Variants in SKI observed in about 807,000 individuals in gnomAD.
The protein encoded by SKI is SKI proto-oncogene, also known as ski oncogene.
Under a neutral mutation model 59.3 loss-of-function variants are expected in SKI, and 23 were observed. The observed-to-expected ratio is 0.39, with a 90% CI of 0.28 to 0.55. SKI has a LOEUF of 0.55. Ranked by LOEUF, SKI falls within the 20% of genes least tolerant of loss-of-function variation. The pLI is 0.67. For missense variants in SKI, 1,017 were observed against 1,038.9 expected, an observed-to-expected ratio of 0.98 and a Z score of 0.29; for synonymous variants, 673 against 488.6, an observed-to-expected ratio of 1.38 and a Z score of -4.98.
intron 1 of SKI, among the ~76,000 whole-genome samples, chr1:2,263,226 T>G (rs1639425313): frequency 6.8e-6 from 1 of 146,158 alleles, no homozygotes; most frequent in Non-Finnish European, 1.5e-5. Flanking sequence ...GCTAAAATTT[T>G]GCTTAGAATT....
intron 1 of SKI, among the ~76,000 whole-genome samples, chr1:2,299,183 T>G (rs1234039100): frequency 3.3e-5 from 5 of 152,226 alleles, no homozygotes; most frequent in Non-Finnish European, 4.4e-5. Flanking sequence ...GTCATTCAGC[T>G]TCAGTGTGGA....
At chr1:2,242,314 C>T (rs1638897565) in intron 1 of SKI, among the ~76,000 whole-genome samples, 1 of 152,074 alleles carries the variant, frequency 6.6e-6, no homozygotes, top group Non-Finnish European at 1.5e-5. Context: ...GAGGGTAACC[C>T]CTTCTCTGTC....
chr1:2,290,399 G>A (rs878093), intron 1 of SKI, among the ~76,000 whole-genome samples: 22,119 of 152,172 alleles, frequency 0.15, 1,860 homozygotes, highest in Middle Eastern at 0.21. Flanking sequence ...GGACACAGCC[G>A]CCACCCTGCA....
At chr1:2,253,004 G>T (rs1430772154) in intron 1 of SKI, among the ~76,000 whole-genome samples, 1 of 151,656 alleles carries the variant, frequency 6.6e-6, no homozygotes, top group Non-Finnish European at 1.5e-5. Context: ...GCTGAGGCAT[G>T]AGAAGAGCTT....
intron 1 of SKI, among the ~76,000 whole-genome samples, chr1:2,297,406 T>C (rs1640310601): frequency 6.6e-6 from 1 of 152,084 alleles, no homozygotes; most frequent in African/African-American, 2.4e-5. Context: ...GGACCTCGAG[T>C]GCCCAGCCCG....
At position 2,270,216 on chromosome 1, in the gene SKI, C is replaced by T. The variant is rs1639586704; in HGVS notation, c.970-32762C>T. ...ATCTGTCTACGAGCTAGAGCAAGGG[C>T]AGGTGGGCCCACTGGCTGGCGCTGC... On this transcript the variant is annotated intron_variant, in intron 1 of 6. Coordinates refer to ENST00000378536, the MANE Select transcript of SKI (RefSeq NM_003036.4). The surrounding 1 kb of genome is among the most constrained non-coding windows in gnomAD (Gnocchi z 4.1). Among the ~76,000 whole-genome samples the T allele has an allele frequency of 6.6e-6, 1 of 152,184 alleles. No homozygotes were observed. The highest frequency in any genetic ancestry group is 1.5e-5 in the Non-Finnish European group (1 of 68,028).
chr1:2,291,850 G>A lies in SKI; in HGVS notation c.970-11128G>A, dbSNP rs146602632. On this transcript the variant is annotated intron_variant, in intron 1 of 6. Coordinates refer to ENST00000378536, the MANE Select transcript of SKI (RefSeq NM_003036.4). Reference sequence around the variant, plus strand: ...AACAGCAAAGATGACCTACTTAAGCGAAAGAAAAATCCGAGTGAACCTTTA... The same window carrying A: ...AACAGCAAAGATGACCTACTTAAGCAAAAGAAAAATCCGAGTGAACCTTTA... 1.3e-4 allele frequency among the ~76,000 whole-genome samples: 20 copies of A among 152,354 alleles called. No homozygotes were observed. The East Asian group carries it at 3.3e-3, about 25-fold the overall frequency.
At chr1:2,294,330 A>G (rs1473935608) in intron 1 of SKI, among the ~76,000 whole-genome samples, 1 of 152,208 alleles carries the variant, frequency 6.6e-6, no homozygotes, top group Non-Finnish European at 1.5e-5. Flanking sequence ...TGGCATGAAA[A>G]TCACAAAATT....
chr1:2,305,745 C>T (rs1053154054), intron 5 of SKI, among the ~76,000 whole-genome samples: 3 of 152,194 alleles, frequency 2.0e-5, no homozygotes, highest in African/African-American at 2.4e-5. Context: ...GCCCTAGATA[C>T]CGGGGGAGGC....
At chr1:2,294,364 G>T (rs1053387659) in intron 1 of SKI, among the ~76,000 whole-genome samples, 6 of 152,248 alleles carry the variant, frequency 3.9e-5, no homozygotes, top group Non-Finnish European at 7.3e-5. Context: ...CATCAGGCTG[G>T]CTGTGTGTGG....
At chr1:2,273,613 G>A (rs1308211615) in intron 1 of SKI, among the ~76,000 whole-genome samples, 1 of 152,202 alleles carries the variant, frequency 6.6e-6, no homozygotes, top group African/African-American at 2.4e-5. Flanking sequence ...CAGGTTGGGT[G>A]GCTGACCTGG....
intron 1 of SKI, among the ~76,000 whole-genome samples, chr1:2,257,483 C>G (rs987375611): frequency 1.3e-5 from 2 of 152,252 alleles, no homozygotes; most frequent in Non-Finnish European, 2.9e-5. Context: ...TAGCGTCTGC[C>G]TCTGCAGCTG....
intron 1 of SKI, among the ~76,000 whole-genome samples, chr1:2,250,675 G>A (rs1290197186): frequency 2.0e-5 from 3 of 152,260 alleles, no homozygotes. Context: ...GTAAGGGGAT[G>A]TGGTGTGTGA....
At chr1:2,292,886 G>C (rs976783378) in intron 1 of SKI, among the ~76,000 whole-genome samples, 6 of 152,194 alleles carry the variant, frequency 3.9e-5, no homozygotes, top group Admixed American at 6.5e-5. Context: ...TGGCGGGGCC[G>C]CTGAGCCAAA....
intron 1 of SKI, among the ~76,000 whole-genome samples, chr1:2,241,233 T>C (rs961982068): frequency 6.6e-6 from 1 of 152,216 alleles, no homozygotes; most frequent in Non-Finnish European, 1.5e-5. Context: ...CTTAAATATG[T>C]CTGTGGACTT....
intron 1 of SKI, among the ~76,000 whole-genome samples, chr1:2,257,223 CCTG>C (rs1639292708): frequency 6.6e-6 from 1 of 152,232 alleles, no homozygotes; most frequent in African/African-American, 2.4e-5. Context: ...GACAGTTTGT[CCTG>C]CTGGTTTCCT....
intron 1 of SKI, among the ~76,000 whole-genome samples, chr1:2,301,418 C>T (rs1451212042): frequency 6.6e-6 from 1 of 151,690 alleles, no homozygotes; most frequent in African/African-American, 2.4e-5. Context: ...CCTGTGCGCC[C>T]GAGCACTTAT....
intron 1 of SKI, among the ~76,000 whole-genome samples, chr1:2,235,977 G>A (rs944816584): frequency 7.9e-5 from 12 of 152,336 alleles, no homozygotes; most frequent in South Asian, 4.1e-4. Flanking sequence ...GCGTCTCGGC[G>A]TGATCCTGGG....
intron 5 of SKI, 126 bp downstream of exon 5, chr1:2,304,711 A>G: frequency 1.4e-6 from 2 of 1,414,228 alleles, no homozygotes; most frequent in East Asian, 5.0e-5. Flanking sequence ...CTCTGCCTCC[A>G]CCTCAGTGGG....
Sources: allele counts gnomAD v4.1 joint callset (sites outside exome capture counted in the v4.1 genomes callset), GRCh38; gene constraint gnomAD v4.1.1; non-coding constraint Gnocchi (gnomAD v3.1); transcripts MANE v1.5; gene names NCBI Gene and HGNC (gene_info 2026-07-23, HGNC 2026-07-21).